The following TIAM1 variants were observed in gnomAD, a reference collection of about 807,000 sequenced individuals.
TIAM1 encodes the protein rho guanine nucleotide exchange factor TIAM1.
Under a neutral mutation model 163.5 loss-of-function variants are expected in TIAM1, and 65 were observed. The observed-to-expected ratio is 0.40, with a 90% CI of 0.33 to 0.49. The LOEUF (loss-of-function observed/expected upper bound fraction) is 0.49. Ranked by LOEUF, TIAM1 falls within the 20% of genes least tolerant of loss-of-function variation. The pLI is 0.77. For missense variants in TIAM1, 1,789 were observed against 2,044.7 expected, an observed-to-expected ratio of 0.87 and a Z score of 2.41; for synonymous variants, 833 against 810.1, an observed-to-expected ratio of 1.03 and a Z score of -0.48.
chr21:31,310,372 C>T (rs1288527954), intron 2 of TIAM1, among the ~76,000 whole-genome samples: 1 of 152,206 alleles, frequency 6.6e-6, no homozygotes, highest in African/African-American at 2.4e-5. Context: ...AGTCCCCTCC[C>T]ACAGCCAGCC....
At chr21:31,461,855 C>CG (rs774644701) in intron 2 of TIAM1, among the ~76,000 whole-genome samples, 14 of 152,200 alleles carry the variant, frequency 9.2e-5, no homozygotes, top group East Asian at 3.9e-4. Context: ...TTTGTAGAGA[C>CG]GGGGTCTCTC....
intron 8 of TIAM1, among the ~76,000 whole-genome samples, chr21:31,222,699 ATATATATATTTTTTTTTT>A (rs1436416314): frequency 2.5e-5 from 1 of 39,796 alleles, no homozygotes; most frequent in African/African-American, 1.4e-4. Context: ...ATATATATAT[ATATATATATTTTTTTTTT>A]TTTTTTTTTT....
rs893471451 is a variant in TIAM1 at position 31,461,746 on chromosome 21, G to A, written c.-369+2237C>T. Among the ~76,000 whole-genome samples the A allele has an allele frequency of 2.0e-5, 3 of 152,240 alleles. No homozygotes were observed. In the East Asian group the frequency reaches 5.8e-4, roughly 29 times the overall value. On this transcript the variant is annotated intron_variant, in intron 2 of 28. Coordinates refer to the TIAM1 transcript ENST00000286827. ...AGTAGTGTGATCATGGCTCACTGCA[G>A]CCTCAACTTCCCAGACTCAGGTGAT...
At chr21:31,508,774 T>TA (rs1278521748) in intron 1 of TIAM1, among the ~76,000 whole-genome samples, 1 of 152,144 alleles carries the variant, frequency 6.6e-6, no homozygotes, top group Non-Finnish European at 1.5e-5. Context: ...AGTGTGCCCT[T>TA]AGACTATATC....
chr21:31,274,934 C>G (rs1389150284), intron 3 of TIAM1, among the ~76,000 whole-genome samples: 1 of 150,118 alleles, frequency 6.7e-6, no homozygotes, highest in Non-Finnish European at 1.5e-5. Flanking sequence ...TATGGTGAAA[C>G]CCTATCTCTA....
intron 4 of TIAM1, among the ~76,000 whole-genome samples, chr21:31,264,547 T>C (rs2072652745): frequency 6.6e-6 from 1 of 152,220 alleles, no homozygotes; most frequent in Non-Finnish European, 1.5e-5. Context: ...TGTGAACAAC[T>C]TACCCAAAGT....
chr21:31,431,435 T>TG (rs1414812508), intron 2 of TIAM1, among the ~76,000 whole-genome samples: 8 of 152,342 alleles, frequency 5.3e-5, no homozygotes, highest in African/African-American at 1.9e-4. Context: ...CTGATGTTGC[T>TG]GGTCTGGGAA....
At chr21:31,322,549 C>T (rs1214424496) in intron 2 of TIAM1, among the ~76,000 whole-genome samples, 1 of 152,162 alleles carries the variant, frequency 6.6e-6, no homozygotes, top group Non-Finnish European at 1.5e-5. Context: ...CTGTGACAGC[C>T]CTGGCTTCAA....
rs558623147 is a variant in TIAM1, at chr21:31,204,107, T to C, written c.2389-1095A>G. On this transcript the variant is annotated intron_variant, in intron 11 of 27. Transcript: ENST00000541036. ...CATTCTCAGTAGACAGTCAAGAGGA[T>C]ACAGGGAAAAAAAGAAAATGCTCTC... Among the ~76,000 whole-genome samples, 274 of 139,814 alleles carry C rather than the reference T, an allele frequency of 2.0e-3. 2 individuals carry two copies. The highest frequency in any genetic ancestry group is 3.4e-3 in the Non-Finnish European group (227 of 67,566). 91.7% of individuals were successfully genotyped at this position (139,814 alleles called of 152,430 possible). A position where few individuals can be genotyped will look rare whatever the true frequency, so the allele number is the denominator to read the frequency against.
At position 31,266,518 on chromosome 21, in the gene TIAM1, T is replaced by C. The variant is rs772191993; in HGVS notation, c.455A>G (p.Tyr152Cys). 1.3e-5 allele frequency: 21 copies of C among 1,614,008 alleles called. No homozygotes were observed. The South Asian group carries it at 1.6e-4, about 13-fold the overall frequency. ...CATGAAAGTGGGCCCATTGGATGTA[T>C]AGGAATGCTGCCTCCTGCCTCCCTC... Reference protein sequence around the residue: ...LAEGGRRQHSYTSNGPTFMET... With the variant: ...LAEGGRRQHSCTSNGPTFMET... The change falls in exon 4 of 28, where the codon TAT becomes TGT. Residue 152 changes from tyrosine to cysteine, a missense_variant. By Grantham distance (194) the Tyr-to-Cys change is radical (BLOSUM62 -2). Coordinates refer to ENST00000541036, the MANE Select transcript of TIAM1 (RefSeq NM_001353694.2).
Position 31,430,225 on chromosome 21 carries a change from A to AAT in TIAM1, c.-369+33756_-369+33757dup, listed in dbSNP as rs35708801. On this transcript the variant is annotated intron_variant, in intron 2 of 28. Coordinates refer to the TIAM1 transcript ENST00000286827. Reference sequence around the variant, plus strand: ...CCATCTCAAAGAAAAAAAAAAAAAAAATATATATATATATATATATATACA... The same window carrying AAT: ...CCATCTCAAAGAAAAAAAAAAAAAAAATATATATATATATATATATATATACA... 4.5e-3 allele frequency among the ~76,000 whole-genome samples: 408 copies of AAT among 90,132 alleles called. 4 individuals carry two copies. The highest frequency in any genetic ancestry group is 7.4e-3 in the East Asian group (24 of 3,228). 59.1% of individuals were successfully genotyped at this position (90,132 alleles called of 152,430 possible).
chr21:31,133,675 G>C (rs916423744), intron 23 of TIAM1, among the ~76,000 whole-genome samples: 3 of 152,232 alleles, frequency 2.0e-5, no homozygotes, highest in African/African-American at 7.2e-5. Context: ...TGCTGATCCA[G>C]CCATCTCATT....
chr21:31,176,062 T>C (rs952234649), intron 15 of TIAM1, among the ~76,000 whole-genome samples: 1 of 152,196 alleles, frequency 6.6e-6, no homozygotes, highest in Non-Finnish European at 1.5e-5. Context: ...AGTGGCCTTT[T>C]GGCAATGTCT....
intron 12 of TIAM1, among the ~76,000 whole-genome samples, 198 bp from the exon 13 acceptor site, chr21:31,195,503 A>G (rs2085802535): frequency 6.6e-6 from 1 of 152,238 alleles, no homozygotes; most frequent in East Asian, 1.9e-4. Context: ...ACATAGCCAC[A>G]GTTTGGTTTC....
At chr21:31,532,112 G>A (rs2284547) in intron 1 of TIAM1, among the ~76,000 whole-genome samples, 9,026 of 152,118 alleles carry the variant, frequency 0.059, 493 homozygotes, top group Admixed American at 0.15. Flanking sequence ...GCAAGACCCT[G>A]TCTCAAAAAG....
At chr21:31,443,070 GC>G (rs1201442665) in intron 2 of TIAM1, among the ~76,000 whole-genome samples, 1 of 152,194 alleles carries the variant, frequency 6.6e-6, no homozygotes, top group Non-Finnish European at 1.5e-5. Flanking sequence ...TCCACAGAAA[GC>G]GTATCTGCCT....
At chr21:31,492,649 A>G (rs949042109) in intron 1 of TIAM1, among the ~76,000 whole-genome samples, 2 of 152,096 alleles carry the variant, frequency 1.3e-5, no homozygotes, top group African/African-American at 4.8e-5. Context: ...AAATGTATAA[A>G]AGCAACCTGT....
At chr21:31,157,072 A>G (rs1216937850) in intron 16 of TIAM1, among the ~76,000 whole-genome samples, 1 of 152,256 alleles carries the variant, frequency 6.6e-6, no homozygotes, top group Non-Finnish European at 1.5e-5. Flanking sequence ...TAAAGAAACC[A>G]TTTTTACTGT....
At chr21:31,204,801 G>C (rs1432996476) in intron 11 of TIAM1, among the ~76,000 whole-genome samples, 1 of 152,234 alleles carries the variant, frequency 6.6e-6, no homozygotes, top group Non-Finnish European at 1.5e-5. Context: ...TTTCCAGAAA[G>C]TGGAAATGAG....
Sources: allele counts gnomAD v4.1 joint callset (sites outside exome capture counted in the v4.1 genomes callset), GRCh38; gene constraint gnomAD v4.1.1; transcripts MANE v1.5; gene names NCBI Gene and HGNC (gene_info 2026-07-23, HGNC 2026-07-21).